Variants in TMEFF2 observed in about 807,000 individuals in gnomAD.
The protein encoded by TMEFF2 is transmembrane protein with EGF like and two follistatin like domains 2, also known as tomoregulin-2.
In TMEFF2, 28 loss-of-function variants were observed where a neutral mutation model predicts 53.8. The observed-to-expected ratio is 0.52, with a 90% confidence interval of 0.39 to 0.71. The LOEUF (loss-of-function observed/expected upper bound fraction) is 0.71, where lower values mean the gene tolerates loss of function less well. Among genes scored for constraint, TMEFF2 ranks in the 30% least tolerant of loss-of-function variants. The pLI is 0.00. For synonymous variants in TMEFF2, 162 were observed against 166.3 expected (o/e 0.97, Z 0.20); for missense variants, 353 against 455.2 (o/e 0.78, Z 2.04).
intron 4 of TMEFF2, among the ~76,000 whole-genome samples, chr2:192,104,551 C>A (rs1051210683): frequency 6.6e-6 from 1 of 152,002 alleles, no homozygotes; most frequent in Non-Finnish European, 1.5e-5. Context: ...TGGTTACTGG[C>A]AAACATTTTA....
chr2:192,020,850 A>C (rs1388370215), intron 5 of TMEFF2, among the ~76,000 whole-genome samples: 1 of 152,094 alleles, frequency 6.6e-6, no homozygotes, highest in Non-Finnish European at 1.5e-5. Context: ...TATAACCTTC[A>C]TTTGACTTGC....
Position 192,190,347 on chromosome 2 carries a change from A to G in TMEFF2, c.282+1533T>C, listed in dbSNP as rs181351430. 3.7e-3 allele frequency among the ~76,000 whole-genome samples: 563 copies of G among 152,266 alleles called. 4 individuals are homozygous for G. The highest frequency in any genetic ancestry group is 0.012 in the African/African-American group (517 of 41,552). On this transcript the variant is annotated intron_variant, in intron 2 of 9. Transcript: ENST00000272771. ...ATGAAAATAAGACAAATTTATGGAA[A>G]TCACAAAGGGAAAGAAGGAAAAAAT...
intron 4 of TMEFF2, among the ~76,000 whole-genome samples, chr2:192,102,977 T>C (rs1689067870): frequency 6.6e-6 from 1 of 152,086 alleles, no homozygotes; most frequent in South Asian, 2.1e-4. Context: ...TGTGGAATAC[T>C]GCATCTGGGA....
intron 2 of TMEFF2, among the ~76,000 whole-genome samples, chr2:192,188,596 C>G (rs1008217761): frequency 6.6e-6 from 1 of 152,096 alleles, no homozygotes; most frequent in East Asian, 1.9e-4. Context: ...CAGTCTGTTA[C>G]GCAGCTTTAC....
intron 4 of TMEFF2, among the ~76,000 whole-genome samples, chr2:192,120,094 G>C (rs561730761): frequency 1.3e-5 from 2 of 152,080 alleles, no homozygotes; most frequent in African/African-American, 4.8e-5. Flanking sequence ...ATGGGTCAAG[G>C]CTCAGGGCTT....
At chr2:192,155,365 C>T (rs907800089) in intron 4 of TMEFF2, among the ~76,000 whole-genome samples, 3 of 151,754 alleles carry the variant, frequency 2.0e-5, no homozygotes, top group East Asian at 1.9e-4. Flanking sequence ...GAGAAGAAAG[C>T]GTGGGTTTTT....
intron 7 of TMEFF2, among the ~76,000 whole-genome samples, chr2:191,985,844 A>G (rs1051029273): frequency 6.6e-6 from 1 of 152,156 alleles, no homozygotes; most frequent in Non-Finnish European, 1.5e-5. Flanking sequence ...TCAGTAGGTA[A>G]GACAGCACAC....
intron 5 of TMEFF2, among the ~76,000 whole-genome samples, chr2:192,034,508 C>T (rs1687234432): frequency 6.6e-6 from 1 of 152,160 alleles, no homozygotes; most frequent in African/African-American, 2.4e-5. Context: ...CTAATCTCTA[C>T]ATTGGTAGGT....
At chr2:192,122,456 T>C (rs888853458) in intron 4 of TMEFF2, among the ~76,000 whole-genome samples, 20 of 152,222 alleles carry the variant, frequency 1.3e-4, no homozygotes, top group African/African-American at 4.6e-4. Context: ...AGTTATGCAG[T>C]TTTTCTTTTC....
intron 4 of TMEFF2, among the ~76,000 whole-genome samples, chr2:192,092,988 T>A (rs1296588586): frequency 2.0e-5 from 3 of 152,168 alleles, no homozygotes; most frequent in Non-Finnish European, 4.4e-5. Context: ...ACTAGGTTTA[T>A]GGTAATTTAT....
intron 9 of TMEFF2, among the ~76,000 whole-genome samples, chr2:191,953,215 G>GGGAATTTGATATAAAA (rs1245776076): frequency 6.6e-6 from 1 of 152,132 alleles, no homozygotes; most frequent in Non-Finnish European, 1.5e-5. Flanking sequence ...TGATTAGGCT[G>GGGAATTTGATATAAAA]GGAATTTGAT....
chr2:191,959,517 A>G (rs1692208607), intron 7 of TMEFF2, among the ~76,000 whole-genome samples: 2 of 152,180 alleles, frequency 1.3e-5, no homozygotes, highest in African/African-American at 4.8e-5. Context: ...AGAATGGCAA[A>G]TGGTGAGGCC....
intron 4 of TMEFF2, among the ~76,000 whole-genome samples, chr2:192,138,041 A>T (rs1690052908): frequency 6.6e-6 from 1 of 151,922 alleles, no homozygotes; most frequent in Non-Finnish European, 1.5e-5. Flanking sequence ...CTGGTCTCAA[A>T]CTCCTGACCC....
chr2:192,147,487 C>T (rs902267940), intron 4 of TMEFF2, among the ~76,000 whole-genome samples: 6 of 151,976 alleles, frequency 3.9e-5, no homozygotes, highest in Non-Finnish European at 8.8e-5. Flanking sequence ...CCACTCCCCC[C>T]ACCCCACAAC....
At chr2:192,052,226 C>T (rs1287543634) in intron 5 of TMEFF2, among the ~76,000 whole-genome samples, 1 of 152,220 alleles carries the variant, frequency 6.6e-6, no homozygotes, top group Non-Finnish European at 1.5e-5. Flanking sequence ...TGCATCTGCT[C>T]TTAAACCTGT....
At chr2:191,974,749 T>A (rs1336133398) in intron 7 of TMEFF2, among the ~76,000 whole-genome samples, 1 of 152,154 alleles carries the variant, frequency 6.6e-6, no homozygotes, top group Non-Finnish European at 1.5e-5. Context: ...AAGTTAATGT[T>A]CAGTGTGGGT....
chr2:191,990,915 G>A (rs1307700810), intron 7 of TMEFF2, among the ~76,000 whole-genome samples: 1 of 151,846 alleles, frequency 6.6e-6, no homozygotes, highest in Non-Finnish European at 1.5e-5. Context: ...CTAAACATAT[G>A]GACTAGAGTA....
At chr2:192,152,291 G>A (rs1330450404) in intron 4 of TMEFF2, among the ~76,000 whole-genome samples, 1 of 151,842 alleles carries the variant, frequency 6.6e-6, no homozygotes, top group East Asian at 1.9e-4. Flanking sequence ...TCAGTCATAG[G>A]AACTCTTCAT....
At chr2:192,118,224 A>G (rs1369723205) in intron 4 of TMEFF2, among the ~76,000 whole-genome samples, 1 of 152,124 alleles carries the variant, frequency 6.6e-6, no homozygotes, top group Non-Finnish European at 1.5e-5. Context: ...ATTTTAGACT[A>G]GAGATTTTTT....
Sources: gnomAD v4.1 joint callset for allele counts (sites outside exome capture counted in the v4.1 genomes callset) on GRCh38, gnomAD v4.1.1 for gene constraint, MANE v1.5 for transcripts, NCBI Gene and HGNC (gene_info 2026-07-23, HGNC 2026-07-21) for gene names.